The following NFIA variants were observed in gnomAD, a reference collection of about 807,000 sequenced individuals.
NFIA encodes the protein nuclear factor 1 A-type.
NFIA carries 8 observed loss-of-function variants against 62.8 expected under a neutral mutation model. The observed-to-expected ratio is 0.13, with a 90% CI of 0.07 to 0.23. The LOEUF (loss-of-function observed/expected upper bound fraction) is 0.23, where lower values mean the gene tolerates loss of function less well. Ranked by LOEUF, NFIA falls within the 10% of genes least tolerant of loss-of-function variation. The probability of loss-of-function intolerance (pLI) is 1.00; values close to 1 mark genes in which losing one functional copy is unlikely to be tolerated. For missense variants in NFIA, 410 were observed against 642.1 expected, an observed-to-expected ratio of 0.64 and a Z score of 3.91; for synonymous variants, 235 against 238.1, an observed-to-expected ratio of 0.99 and a Z score of 0.12.
rs543834577 is a variant in NFIA, at chr1:61,096,576, G to A, written c.559+7896G>A. ...TTTTTTTTTTTTTTTTTTTTGAGAC[G>A]GAGTCTTGCTCTGTCACCCAGGCTG... On this transcript the variant is annotated intron_variant, in intron 2 of 10. Transcript: ENST00000403491. Among the ~76,000 whole-genome samples the A allele has an allele frequency of 6.6e-3, 706 of 107,544 alleles. 7 individuals are homozygous for A. The highest frequency in any genetic ancestry group is 0.03 in the African/African-American group (674 of 22,770). 70.6% of individuals were successfully genotyped at this position (107,544 alleles called of 152,430 possible). A position where few individuals can be genotyped will look rare whatever the true frequency, so the allele number is the denominator to read the frequency against.
intron 2 of NFIA, among the ~76,000 whole-genome samples, chr1:61,250,650 A>G (rs757021058): frequency 3.3e-5 from 5 of 152,216 alleles, no homozygotes; most frequent in Non-Finnish European, 5.9e-5. Context: ...TACAGAGCAT[A>G]ATGAATGAAA....
intron 2 of NFIA, among the ~76,000 whole-genome samples, chr1:61,198,124 C>T (rs1481901136): frequency 6.6e-6 from 1 of 151,986 alleles, no homozygotes; most frequent in Non-Finnish European, 1.5e-5. Context: ...ATTCATTAAC[C>T]CATTTTAAGA....
intron 2 of NFIA, among the ~76,000 whole-genome samples, chr1:61,256,029 G>T (rs1018894919): frequency 6.6e-6 from 1 of 152,100 alleles, no homozygotes. Context: ...CAATCTTTTG[G>T]CTTCCCTCGA....
At chr1:61,195,142 T>C (rs1259561884) in intron 2 of NFIA, among the ~76,000 whole-genome samples, 2 of 152,190 alleles carry the variant, frequency 1.3e-5, no homozygotes, top group Non-Finnish European at 2.9e-5. Context: ...CATTAATTCT[T>C]ATTTATTCGG....
chr1:61,271,798 T>C (rs1327594267), intron 2 of NFIA, among the ~76,000 whole-genome samples: 1 of 152,250 alleles, frequency 6.6e-6, no homozygotes, highest in Non-Finnish European at 1.5e-5. Flanking sequence ...TACATATATC[T>C]AGACAAACAC....
chr1:61,204,367 A>T (rs892955707), intron 2 of NFIA, among the ~76,000 whole-genome samples: 3 of 152,258 alleles, frequency 2.0e-5, no homozygotes, highest in African/African-American at 7.2e-5. Flanking sequence ...CCTGGGCCAC[A>T]GAACTTTCTA....
chr1:61,395,274 C>CTG (rs530073174), intron 7 of NFIA, among the ~76,000 whole-genome samples: 2,026 of 145,324 alleles, frequency 0.014, 55 homozygotes, highest in African/African-American at 0.047. Flanking sequence ...TGCTTATTTT[C>CTG]TGTGTGTGTG....
intron 6 of NFIA, among the ~76,000 whole-genome samples, chr1:61,374,886 T>G (rs1363132449): frequency 6.6e-6 from 1 of 152,166 alleles, no homozygotes; most frequent in Non-Finnish European, 1.5e-5. Context: ...GTCAAAATAG[T>G]CTATTTTACC....
At chr1:61,379,258 G>T (rs1403358860) in intron 6 of NFIA, among the ~76,000 whole-genome samples, 1 of 151,854 alleles carries the variant, frequency 6.6e-6, no homozygotes, top group African/African-American at 2.4e-5. Context: ...TCAAGATAAG[G>T]TCTCTCTCTG....
chr1:61,113,105 TAC>T (rs1231530897), intron 2 of NFIA, among the ~76,000 whole-genome samples: 1 of 152,188 alleles, frequency 6.6e-6, no homozygotes, highest in Non-Finnish European at 1.5e-5. Context: ...CCTAATTTAT[TAC>T]AGTCTTTCAA....
intron 8 of NFIA, among the ~76,000 whole-genome samples, 181 bp downstream of exon 8, chr1:61,404,463 G>T (rs1476673641): frequency 6.6e-6 from 1 of 152,150 alleles, no homozygotes; most frequent in African/African-American, 2.4e-5. Flanking sequence ...ATTAGTCAGG[G>T]TTTAAAAACA....
chr1:61,309,757 C>T (rs527335302), intron 3 of NFIA, among the ~76,000 whole-genome samples: 107 of 152,238 alleles, frequency 7.0e-4, no homozygotes, highest in African/African-American at 2.4e-3. Context: ...GGTGTGGTGG[C>T]ATGCACCTGT....
intron 3 of NFIA, among the ~76,000 whole-genome samples, chr1:61,287,775 C>T (rs1432574808): frequency 6.6e-6 from 1 of 152,012 alleles, no homozygotes; most frequent in Non-Finnish European, 1.5e-5. Context: ...TTTGTCTAGA[C>T]CAAGTTTTGT....
intron 4 of NFIA, among the ~76,000 whole-genome samples, chr1:61,340,989 C>A (rs571084524): frequency 1.1e-4 from 17 of 151,380 alleles, no homozygotes; most frequent in Non-Finnish European, 2.2e-4. Context: ...TTTTAAAATT[C>A]TCAATCTAAC....
rs1413711677 is a variant in NFIA, at chr1:61,455,495, A to G, written c.*175A>G. The G allele has an allele frequency of 1.4e-5, 14 of 1,008,796 alleles. No homozygotes were observed. The Admixed American group carries it at 3.5e-4, about 25-fold the overall frequency. 62.5% of individuals were successfully genotyped at this position (1,008,796 alleles called of 1,614,324 possible). A position where few individuals can be genotyped will look rare whatever the true frequency, so the allele number is the denominator to read the frequency against. ...AGCAAGCATTATGGTCAAACAGCAA[A>G]GGCCATAACCTTTTGGGATTTTTTT... On this transcript the variant is annotated 3_prime_UTR_variant, in exon 11 of 11. Coordinates refer to ENST00000403491, the MANE Select transcript of NFIA (RefSeq NM_001134673.4).
At chr1:61,370,993 A>G (rs1663852992) in intron 6 of NFIA, among the ~76,000 whole-genome samples, 1 of 152,178 alleles carries the variant, frequency 6.6e-6, no homozygotes, top group Non-Finnish European at 1.5e-5. Context: ...AGCCCCACCC[A>G]GAAATCACTT....
chr1:61,120,078 T>G (rs1333004679), intron 2 of NFIA, among the ~76,000 whole-genome samples: 2 of 152,208 alleles, frequency 1.3e-5, no homozygotes, highest in Admixed American at 6.5e-5. Flanking sequence ...TTCCCCCTTC[T>G]TGAATTTTAT....
chr1:61,439,498 C>T (rs1181280487), intron 10 of NFIA: 2 of 152,154 alleles, frequency 1.3e-5, no homozygotes, highest in Admixed American at 6.5e-5. Flanking sequence ...GATCTCACTC[C>T]GATGGTGTGG....
chr1:61,272,811 C>T (rs191535253), intron 2 of NFIA, among the ~76,000 whole-genome samples: 44 of 152,298 alleles, frequency 2.9e-4, no homozygotes, highest in Admixed American at 1.3e-3. Flanking sequence ...CTACAAACAA[C>T]TCTAGCTCAT....
Sources: allele counts gnomAD v4.1 joint callset (sites outside exome capture counted in the v4.1 genomes callset), GRCh38; gene constraint gnomAD v4.1.1; transcripts MANE v1.5; gene names NCBI Gene and HGNC (gene_info 2026-07-23, HGNC 2026-07-21).